CNTNAP2: variants seen among roughly 807,000 people sequenced by gnomAD.
The protein encoded by CNTNAP2 is contactin-associated protein-like 2.
A neutral mutation model predicts 155.2 loss-of-function variants in CNTNAP2; 98 were observed. That is an observed-to-expected ratio of 0.63 (90% CI 0.54 to 0.75). CNTNAP2 has a LOEUF of 0.75. CNTNAP2 is among the 30% of genes least tolerant of loss of function. The pLI is 0.00. For synonymous variants in CNTNAP2, 651 were observed against 631.2 expected (o/e 1.03, Z -0.47); for missense variants, 1,727 against 1,688.1 (o/e 1.02, Z -0.40).
At chr7:147,892,763 C>T (rs895072439) in intron 13 of CNTNAP2, among the ~76,000 whole-genome samples, 8 of 152,058 alleles carry the variant, frequency 5.3e-5, no homozygotes, top group African/African-American at 1.7e-4. Context: ...TAATTAATTA[C>T]CATTTCAGTT....
At chr7:147,101,469 T>G (rs1800650956) in intron 4 of CNTNAP2, among the ~76,000 whole-genome samples, 1 of 152,188 alleles carries the variant, frequency 6.6e-6, no homozygotes, top group Non-Finnish European at 1.5e-5. Context: ...CTTTGCCATC[T>G]GTGGATGGTT....
intron 13 of CNTNAP2, among the ~76,000 whole-genome samples, chr7:147,874,687 T>A (rs1002762487): frequency 6.6e-6 from 1 of 152,244 alleles, no homozygotes; most frequent in African/African-American, 2.4e-5. Context: ...TTTGTTTGTT[T>A]GTTTATGCAA....
At chr7:147,304,102 G>C (rs1223448686) in intron 9 of CNTNAP2, among the ~76,000 whole-genome samples, 1 of 152,186 alleles carries the variant, frequency 6.6e-6, no homozygotes, top group Non-Finnish European at 1.5e-5. Context: ...TTTCACTCCA[G>C]TGTGCAATTT....
intron 10 of CNTNAP2, among the ~76,000 whole-genome samples, chr7:147,459,360 A>C (rs1797977221): frequency 6.6e-6 from 1 of 152,142 alleles, no homozygotes; most frequent in African/African-American, 2.4e-5. Flanking sequence ...ATACTGCTAG[A>C]AAAGTAGCCC....
chr7:147,864,289 A>G (rs893765543), intron 13 of CNTNAP2, among the ~76,000 whole-genome samples: 9 of 151,976 alleles, frequency 5.9e-5, no homozygotes, highest in Non-Finnish European at 1.2e-4. Context: ...TGGTCTATAT[A>G]TCTGTTTTGG....
At chr7:147,785,351 G>T (rs1010124943) in intron 13 of CNTNAP2, among the ~76,000 whole-genome samples, 1 of 152,166 alleles carries the variant, frequency 6.6e-6, no homozygotes, top group Non-Finnish European at 1.5e-5. Flanking sequence ...AGGGAAGGGG[G>T]AGCTGAGTGT....
At chr7:146,779,236 T>C (rs549929637) in intron 2 of CNTNAP2, among the ~76,000 whole-genome samples, 1 of 152,270 alleles carries the variant, frequency 6.6e-6, no homozygotes, top group Non-Finnish European at 1.5e-5. Context: ...TTAAAGTAAG[T>C]TTTTCTTCCT....
intron 13 of CNTNAP2, among the ~76,000 whole-genome samples, chr7:147,726,639 T>C (rs894185309): frequency 6.6e-6 from 1 of 151,868 alleles, no homozygotes; most frequent in Admixed American, 6.6e-5. Flanking sequence ...AATGCTCCTA[T>C]AAATCCTTAA....
chr7:147,050,241 C>T (rs1303414693), intron 4 of CNTNAP2, among the ~76,000 whole-genome samples: 1 of 152,120 alleles, frequency 6.6e-6, no homozygotes, highest in African/African-American at 2.4e-5. Flanking sequence ...AGGAAGAGGT[C>T]TCAGATTAAT....
At chr7:146,856,526 C>T (rs9648688) in intron 3 of CNTNAP2, among the ~76,000 whole-genome samples, 67,280 of 151,876 alleles carry the variant, frequency 0.44, 15,729 homozygotes, top group African/African-American at 0.59. Context: ...GTAGAGGATA[C>T]GGAGAGTTTT....
At chr7:146,398,678 T>C (rs920808820) in intron 1 of CNTNAP2, among the ~76,000 whole-genome samples, 1 of 152,196 alleles carries the variant, frequency 6.6e-6, no homozygotes, top group African/African-American at 2.4e-5. Flanking sequence ...GGTCTGAATA[T>C]GTTTTATATT....
chr7:147,966,612 C>A (rs1241694039), intron 14 of CNTNAP2, among the ~76,000 whole-genome samples: 7 of 152,074 alleles, frequency 4.6e-5, no homozygotes, highest in African/African-American at 1.7e-4. Context: ...AGTTACCCTC[C>A]TTGGGTGACA....
rs184023289 is a variant in CNTNAP2, at chr7:147,072,389, A to G, written c.550+28335A>G. ...AAACTATCTTAAGCCAACAGTTTGTATGTGTTGGAGTGATGGACATGGAGG... is the reference window on the plus strand; with the variant it reads ...AAACTATCTTAAGCCAACAGTTTGTGTGTGTTGGAGTGATGGACATGGAGG... On this transcript the variant is annotated intron_variant, in intron 4 of 23. Coordinates refer to ENST00000361727, the MANE Select transcript of CNTNAP2 (RefSeq NM_014141.6). Among the ~76,000 whole-genome samples the G allele has an allele frequency of 6.4e-4, 97 of 152,310 alleles. No homozygotes were observed. In the East Asian group the frequency reaches 0.014, roughly 22 times the overall value.
chr7:146,998,748 T>C (rs944866453), intron 3 of CNTNAP2, among the ~76,000 whole-genome samples: 2 of 152,004 alleles, frequency 1.3e-5, no homozygotes, highest in Admixed American at 1.3e-4. Context: ...TATATCATCT[T>C]ATCGAATTGA....
intron 17 of CNTNAP2, among the ~76,000 whole-genome samples, chr7:148,153,853 T>C (rs943577914): frequency 6.6e-6 from 1 of 152,176 alleles, no homozygotes; most frequent in Non-Finnish European, 1.5e-5. Flanking sequence ...AAGCAGGCTG[T>C]TCAGGTCAGG....
chr7:146,757,245 C>T (rs1802009956), intron 1 of CNTNAP2, among the ~76,000 whole-genome samples: 1 of 151,956 alleles, frequency 6.6e-6, no homozygotes. Context: ...GCTTTTTTGA[C>T]AAAGGAATGC....
chr7:147,358,146 G>T (rs964759752), intron 9 of CNTNAP2, among the ~76,000 whole-genome samples: 7 of 152,088 alleles, frequency 4.6e-5, no homozygotes, highest in African/African-American at 1.4e-4. Context: ...TTTCCCAAAA[G>T]AAAGCATTAG....
intron 12 of CNTNAP2, among the ~76,000 whole-genome samples, chr7:147,582,501 G>C (rs1280891623): frequency 1.3e-5 from 2 of 151,960 alleles, no homozygotes; most frequent in Non-Finnish European, 2.9e-5. Flanking sequence ...TGAAACTATA[G>C]TACTTTAAAA....
intron 13 of CNTNAP2, among the ~76,000 whole-genome samples, chr7:147,770,398 T>G (rs755339280): frequency 6.6e-6 from 1 of 151,992 alleles, no homozygotes; most frequent in South Asian, 2.1e-4. Context: ...AGTGGGGAAA[T>G]GGATAAGATA....
Sources: gnomAD v4.1 joint callset for allele counts (sites outside exome capture counted in the v4.1 genomes callset) on GRCh38, gnomAD v4.1.1 for gene constraint, MANE v1.5 for transcripts, NCBI Gene and HGNC (gene_info 2026-07-23, HGNC 2026-07-21) for gene names.